AKAP6: variants seen among roughly 807,000 people sequenced by gnomAD.
The protein encoded by AKAP6 is A-kinase anchoring protein 6, also known as A-kinase anchor protein 6.
In AKAP6, 58 loss-of-function variants were observed where a neutral mutation model predicts 188.5. The ratio of observed to expected loss-of-function variants is 0.31; its 90% CI spans 0.25 to 0.38. The LOEUF is 0.38. Ranked by LOEUF, AKAP6 falls within the 10% of genes least tolerant of loss-of-function variation. AKAP6 has a pLI of 1.00. For synonymous variants in AKAP6, 989 were observed against 998.6 expected (o/e 0.99, Z 0.18); for missense variants, 2,710 against 2,740.0 (o/e 0.99, Z 0.24).
chr14:32,709,681 C>T (rs1048306405), intron 9 of AKAP6, among the ~76,000 whole-genome samples: 10 of 152,192 alleles, frequency 6.6e-5, no homozygotes, highest in African/African-American at 2.4e-4. Flanking sequence ...GGGAATTCCA[C>T]AGCCTTCCAT....
intron 7 of AKAP6, among the ~76,000 whole-genome samples, chr14:32,610,389 C>G (rs1433094423): frequency 6.6e-6 from 1 of 152,138 alleles, no homozygotes; most frequent in African/African-American, 2.4e-5. Context: ...TTGCTCATGG[C>G]TTTTCTCATT....
chr14:32,605,437 C>T lies in AKAP6; in HGVS notation c.2730+4645C>T, dbSNP rs575001140. On this transcript the variant is annotated intron_variant, in intron 7 of 13. Transcript: ENST00000280979. ...TGTTGCAGATGATGAGTAGGCCAGC[C>T]TGCCACAGACTGCACCAAGACGTAA... Among the ~76,000 whole-genome samples the T allele has an allele frequency of 2.0e-5, 3 of 152,204 alleles. No individual in the cohort carries two copies. In the East Asian group the frequency reaches 5.8e-4, roughly 29 times the overall value.
At chr14:32,651,521 G>T (rs752669971) in intron 7 of AKAP6, among the ~76,000 whole-genome samples, 1 of 152,136 alleles carries the variant, frequency 6.6e-6, no homozygotes, top group African/African-American at 2.4e-5. Flanking sequence ...GAAGTCCAAG[G>T]TCAAGGCACT....
chr14:32,761,103 A>G (rs189458939), intron 11 of AKAP6, among the ~76,000 whole-genome samples: 25 of 152,104 alleles, frequency 1.6e-4, no homozygotes, highest in African/African-American at 5.8e-4. Flanking sequence ...AGACGCTATG[A>G]AAATAAAAAC....
At chr14:32,703,695 G>A (rs1326025157) in intron 9 of AKAP6, among the ~76,000 whole-genome samples, 11 of 152,238 alleles carry the variant, frequency 7.2e-5, no homozygotes, top group Non-Finnish European at 1.5e-4. Flanking sequence ...GGCCAACAGT[G>A]GCCAATGATT....
chr14:32,483,798 A>T (rs1879504679), intron 2 of AKAP6, among the ~76,000 whole-genome samples: 1 of 151,838 alleles, frequency 6.6e-6, no homozygotes, highest in Non-Finnish European at 1.5e-5. Context: ...TATTTATTGT[A>T]CTTTAAGTTC....
rs2034843680 is a variant in AKAP6, at chr14:32,833,598, C to A, written c.*3793C>A. On this transcript the variant is annotated 3_prime_UTR_variant, in exon 14 of 14. Coordinates refer to ENST00000280979, the MANE Select transcript of AKAP6 (RefSeq NM_004274.5). ...TTTGATGACTTTGTTGTGTTTGGTT[C>A]ATCCGGACTAGGTTTCACCCATTCT... 1 of 152,090 alleles carries A rather than the reference C, an allele frequency of 6.6e-6. No individual in the cohort carries two copies. The highest frequency in any genetic ancestry group is 2.1e-4 in the South Asian group (1 of 4,826). 9.4% of individuals were successfully genotyped at this position (152,090 alleles called of 1,614,324 possible).
intron 9 of AKAP6, among the ~76,000 whole-genome samples, chr14:32,702,842 C>T (rs1352596462): frequency 6.6e-6 from 1 of 152,184 alleles, no homozygotes; most frequent in Non-Finnish European, 1.5e-5. Flanking sequence ...GACAGGAAAT[C>T]ACTGTCTTTG....
intron 2 of AKAP6, among the ~76,000 whole-genome samples, chr14:32,440,085 G>A (rs1026358730): frequency 2.0e-5 from 3 of 152,296 alleles, no homozygotes; most frequent in South Asian, 2.1e-4. Flanking sequence ...ATAATGATAA[G>A]TGCTATGTTG....
chr14:32,595,981 T>TA (rs1193916763), intron 5 of AKAP6, among the ~76,000 whole-genome samples: 3 of 152,084 alleles, frequency 2.0e-5, no homozygotes, highest in Non-Finnish European at 2.9e-5. Flanking sequence ...TTATGTCTTA[T>TA]AAAAAAACAA....
intron 1 of AKAP6, among the ~76,000 whole-genome samples, chr14:32,427,441 A>G (rs930808491): frequency 2.0e-4 from 31 of 152,196 alleles, no homozygotes; most frequent in African/African-American, 6.8e-4. Context: ...TGCCTCTTCT[A>G]TTTAAGAGCT....
intron 1 of AKAP6, among the ~76,000 whole-genome samples, chr14:32,378,410 T>G (rs1888229112): frequency 6.6e-6 from 1 of 152,144 alleles, no homozygotes; most frequent in South Asian, 2.1e-4. Flanking sequence ...CTCCATCCCT[T>G]CCCCCATGAA....
intron 3 of AKAP6, among the ~76,000 whole-genome samples, chr14:32,542,912 T>C (rs955257297): frequency 1.3e-5 from 2 of 152,244 alleles, no homozygotes; most frequent in African/African-American, 4.8e-5. Context: ...TTTGTTTTTA[T>C]TATTTTTAAT....
At chr14:32,817,056 A>G (rs1234778944) in intron 12 of AKAP6, among the ~76,000 whole-genome samples, 1 of 152,206 alleles carries the variant, frequency 6.6e-6, no homozygotes. Context: ...AAAGGTATCT[A>G]GAGGCGGCTA....
intron 12 of AKAP6, among the ~76,000 whole-genome samples, chr14:32,808,254 A>T (rs1477618331): frequency 2.6e-5 from 4 of 152,202 alleles, no homozygotes; most frequent in African/African-American, 9.6e-5. Flanking sequence ...GATTTGCATA[A>T]ATCTGCACAT....
chr14:32,729,916 T>C (rs1043062199), intron 9 of AKAP6, among the ~76,000 whole-genome samples: 4 of 152,150 alleles, frequency 2.6e-5, no homozygotes, highest in African/African-American at 9.7e-5. Context: ...GGAATGAATA[T>C]GAAGATTAAA....
At chr14:32,374,736 G>A (rs1180406063) in intron 1 of AKAP6, among the ~76,000 whole-genome samples, 1 of 152,138 alleles carries the variant, frequency 6.6e-6, no homozygotes, top group Non-Finnish European at 1.5e-5. Context: ...ACTACCATTA[G>A]ATTGTACTAT....
intron 12 of AKAP6, among the ~76,000 whole-genome samples, chr14:32,810,618 A>C (rs2034199764): frequency 6.6e-6 from 1 of 152,154 alleles, no homozygotes; most frequent in South Asian, 2.1e-4. Context: ...TTCTAGGAAA[A>C]TTCATCCTAA....
At chr14:32,818,031 A>G (rs1169111528) in intron 12 of AKAP6, among the ~76,000 whole-genome samples, 2 of 152,178 alleles carry the variant, frequency 1.3e-5, no homozygotes, top group East Asian at 3.9e-4. Context: ...GAGGAAATGG[A>G]GATTTTATTG....
Sources: gnomAD v4.1 joint callset for allele counts (sites outside exome capture counted in the v4.1 genomes callset) on GRCh38, gnomAD v4.1.1 for gene constraint, MANE v1.5 for transcripts, NCBI Gene and HGNC (gene_info 2026-07-23, HGNC 2026-07-21) for gene names.